Variants in GPHN observed in about 807,000 individuals in gnomAD.
GPHN encodes the protein gephyrin.
A neutral mutation model predicts 95.5 loss-of-function variants in GPHN; 17 were observed. That is an observed-to-expected ratio of 0.18 (90% CI 0.12 to 0.27). The LOEUF is 0.27. Ranked by LOEUF, GPHN falls within the 10% of genes least tolerant of loss-of-function variation. GPHN has a pLI of 1.00. For missense variants in GPHN, 660 were observed against 978.1 expected, an observed-to-expected ratio of 0.67 and a Z score of 4.34; for synonymous variants, 320 against 322.5, an observed-to-expected ratio of 0.99 and a Z score of 0.08.
chr14:67,486,743 T>C, the GPHN span, among the ~76,000 whole-genome samples: 1 of 152,170 alleles, frequency 6.6e-6, no homozygotes, highest in Non-Finnish European at 1.5e-5. Context: ...CTCTTACGTA[T>C]GTCTTTATCA....
chr14:67,356,088 A>T, the GPHN span, among the ~76,000 whole-genome samples: 1 of 152,166 alleles, frequency 6.6e-6, no homozygotes, highest in Non-Finnish European at 1.5e-5. Flanking sequence ...AAGGGGATAT[A>T]ATTTCATATG....
chr14:67,344,557 G>A, the GPHN span, among the ~76,000 whole-genome samples: 1 of 152,088 alleles, frequency 6.6e-6, no homozygotes, highest in Non-Finnish European at 1.5e-5. Context: ...TTTAAATCTA[G>A]TATCAACTTG....
chr14:66,979,623 C>A (rs1282370416), intron 9 of GPHN, among the ~76,000 whole-genome samples: 2 of 152,206 alleles, frequency 1.3e-5, no homozygotes, highest in African/African-American at 4.8e-5. Context: ...ATCACTCAGA[C>A]TTTCTCCATA....
chr14:66,646,139 A>G (rs983776094), intron 1 of GPHN, among the ~76,000 whole-genome samples: 2 of 152,196 alleles, frequency 1.3e-5, no homozygotes, highest in Admixed American at 1.3e-4. Flanking sequence ...TTGGGCAAGG[A>G]CTTGAATACA....
chr14:66,919,632 C>T (rs1393653395), intron 6 of GPHN, among the ~76,000 whole-genome samples: 1 of 152,178 alleles, frequency 6.6e-6, no homozygotes, highest in Admixed American at 6.5e-5. Flanking sequence ...CTTGTGGCCA[C>T]TTTGACATAA....
the GPHN span, among the ~76,000 whole-genome samples, chr14:67,679,269 T>C: frequency 3.3e-5 from 5 of 152,218 alleles, no homozygotes; most frequent in South Asian, 1.0e-3. Context: ...TGACCTAATT[T>C]ACCTCTTAAA....
chr14:66,820,971 A>G (rs766856736), intron 3 of GPHN, among the ~76,000 whole-genome samples: 3 of 152,206 alleles, frequency 2.0e-5, no homozygotes, highest in Non-Finnish European at 4.4e-5. Flanking sequence ...TATCCTCCAC[A>G]TAAGGAAAAG....
chr14:67,684,587 C>CT, the GPHN span: 23,912 of 142,174 alleles, frequency 0.17, 1,983 homozygotes, highest in African/African-American at 0.23. Context: ...GATTCAAATT[C>CT]TTTTTTTTTT....
the GPHN span, among the ~76,000 whole-genome samples, chr14:67,328,080 C>G: frequency 0.15 from 23,573 of 152,150 alleles, 3,452 homozygotes; most frequent in East Asian, 0.42. Flanking sequence ...AATGGTTGAA[C>G]TAGTTTACGG....
intron 12 of GPHN, among the ~76,000 whole-genome samples, chr14:67,099,531 A>G (rs1271239019): frequency 6.8e-6 from 1 of 146,744 alleles, no homozygotes; most frequent in Non-Finnish European, 1.5e-5. Flanking sequence ...TAAAAACTGA[A>G]CAATGTAACA....
chr14:67,711,592 CAT>C, the GPHN span, among the ~76,000 whole-genome samples: 1 of 152,188 alleles, frequency 6.6e-6, no homozygotes, highest in Non-Finnish European at 1.5e-5. Context: ...GTACACAACA[CAT>C]AAATGCATTG....
At chr14:67,360,312 T>G in the GPHN span, 1 of 398,094 alleles carries the variant, frequency 2.5e-6, no homozygotes, top group East Asian at 3.6e-5. Context: ...CGCTTGCGCA[T>G]GCGAGGAGGT....
chr14:66,954,878 T>G (rs1055358558), intron 8 of GPHN, among the ~76,000 whole-genome samples: 5 of 152,208 alleles, frequency 3.3e-5, no homozygotes, highest in African/African-American at 1.2e-4. Context: ...TTTGTGAAGT[T>G]TTTTTCCCCT....
rs755336327 is a variant in GPHN, at chr14:67,058,805, A to G, written c.1144+19A>G. The G allele has an allele frequency of 1.2e-6, 2 of 1,609,048 alleles. No homozygotes were observed. The highest frequency in any genetic ancestry group is 1.7e-6 in the Non-Finnish European group (2 of 1,175,800). On this transcript the variant is annotated intron_variant, in intron 11 of 22. Transcript: ENST00000478722. Reference sequence around the variant, plus strand: ...TACCGAGGTACTATTATATTTGACCATTGCCCTTTCTTTTCTTCATTTTTT... The same window carrying G: ...TACCGAGGTACTATTATATTTGACCGTTGCCCTTTCTTTTCTTCATTTTTT...
chr14:67,394,848 T>C, the GPHN span, among the ~76,000 whole-genome samples: 5 of 152,168 alleles, frequency 3.3e-5, no homozygotes, highest in Non-Finnish European at 7.3e-5. Context: ...ATGGGACTGG[T>C]GGCTTTATAA....
the GPHN span, among the ~76,000 whole-genome samples, chr14:67,419,681 T>C: frequency 1.3e-5 from 2 of 152,128 alleles, no homozygotes; most frequent in African/African-American, 4.8e-5. Flanking sequence ...AAACCCCGTC[T>C]CTACTAAAGA....
At chr14:67,198,145 G>A in the GPHN span, 2 of 1,602,938 alleles carry the variant, frequency 1.2e-6, no homozygotes, top group East Asian at 2.2e-5. Context: ...GTTTTTTTAT[G>A]TTTATGTGCA....
At chr14:67,648,545 G>C in the GPHN span, 2 of 163,286 alleles carry the variant, frequency 1.2e-5, no homozygotes, top group Non-Finnish European at 2.6e-5. Flanking sequence ...CACTCTAAGA[G>C]ATTGGTTCAT....
chr14:67,146,800 A>G (rs2080923097), intron 18 of GPHN, among the ~76,000 whole-genome samples: 1 of 152,208 alleles, frequency 6.6e-6, no homozygotes, highest in Non-Finnish European at 1.5e-5. Context: ...TTGGGAGCCC[A>G]AGGTGGGCAG....
Sources: allele counts gnomAD v4.1 joint callset (sites outside exome capture counted in the v4.1 genomes callset), GRCh38; gene constraint gnomAD v4.1.1; transcripts MANE v1.5; gene names NCBI Gene and HGNC (gene_info 2026-07-23, HGNC 2026-07-21).